SIN3A: variants seen among roughly 807,000 people sequenced by gnomAD.
SIN3A encodes paired amphipathic helix protein Sin3a.
In SIN3A, 14 loss-of-function variants were observed where a neutral mutation model predicts 146.1. That is an observed-to-expected ratio of 0.10 (90% confidence interval 0.06 to 0.15). SIN3A has a LOEUF of 0.15. SIN3A is among the 10% of genes least tolerant of loss of function. The pLI is 1.00. For synonymous variants in SIN3A, 572 were observed against 572.0 expected (o/e 1.00, Z 0.00); for missense variants, 1,028 against 1,576.0 (o/e 0.65, Z 5.89).
At chr15:75,375,929 T>C (rs2072847134) in intron 19 of SIN3A, 57 bp from the exon 20 acceptor site, 1 of 1,553,430 alleles carries the variant, frequency 6.4e-7, no homozygotes, top group South Asian at 1.1e-5. Context: ...TTCCCGTGAC[T>C]TCCCCAAAGT....
At chr15:75,441,276 C>T (rs1438052790) in intron 1 of SIN3A, among the ~76,000 whole-genome samples, 2 of 152,046 alleles carry the variant, frequency 1.3e-5, no homozygotes, top group Admixed American at 6.6e-5. Context: ...TACACTCCAG[C>T]GTGGGCAACA....
At chr15:75,446,612 C>G (rs2074311715) in intron 1 of SIN3A, among the ~76,000 whole-genome samples, 1 of 151,838 alleles carries the variant, frequency 6.6e-6, no homozygotes, top group African/African-American at 2.4e-5. Flanking sequence ...CTGCCTCAGC[C>G]TCTCAAGTAA....
chr15:75,421,840 G>A (rs192956547), intron 3 of SIN3A: 1 of 152,164 alleles, frequency 6.6e-6, no homozygotes. Context: ...GAGATACAAG[G>A]TTAGCTGGGA....
At chr15:75,403,841 C>T (rs1299585909) in intron 9 of SIN3A, among the ~76,000 whole-genome samples, 3 of 152,150 alleles carry the variant, frequency 2.0e-5, no homozygotes, top group African/African-American at 7.2e-5. Flanking sequence ...CCACTGCGTC[C>T]GGCCTGTTGC....
At position 75,451,675 on chromosome 15, in the gene SIN3A, C is replaced by G. The variant is rs2074413921; in HGVS notation, c.-286G>C. On this transcript the variant is annotated 5_prime_UTR_variant, in exon 1 of 21. Coordinates refer to ENST00000394947, the MANE Select transcript of SIN3A (RefSeq NM_001145358.2). Reference sequence around the variant, plus strand: ...ACCGTCTCCGCCGCCTCTACCGCCGCGGCCGCTTCTCTGTTACCCGGGAAA... The same window carrying G: ...ACCGTCTCCGCCGCCTCTACCGCCGGGGCCGCTTCTCTGTTACCCGGGAAA... The G allele has an allele frequency of 1.3e-5, 2 of 152,454 alleles. No homozygotes were observed. Among genetic ancestry groups the G allele is most frequent in the African/African-American group, 2.4e-5 (1 of 41,400 alleles). The allele number at this position is 152,454 out of a possible 1,614,324, so 9.4% of individuals were successfully genotyped here. A position where few individuals can be genotyped will look rare whatever the true frequency, so the allele number is the denominator to read the frequency against.
At chr15:75,442,932 CAAAAAAAA>C (rs34555614) in intron 1 of SIN3A, among the ~76,000 whole-genome samples, 1 of 84,500 alleles carries the variant, frequency 1.2e-5, no homozygotes, top group Non-Finnish European at 2.4e-5. Flanking sequence ...AACTCTGTCT[CAAAAAAAA>C]AAAAAAAAAA....
chr15:75,437,760 C>T (rs2074131708), intron 1 of SIN3A, among the ~76,000 whole-genome samples: 1 of 151,950 alleles, frequency 6.6e-6, no homozygotes. Context: ...GTTTATAGTA[C>T]TATCAGAACT....
chr15:75,409,744 C>A (rs2073594663), intron 8 of SIN3A, 92 bp downstream of exon 8: 39 of 1,368,536 alleles, frequency 2.8e-5, no homozygotes, highest in South Asian at 8.3e-5. Context: ...CAAAAAAAAA[C>A]AACAACAACA....
At chr15:75,441,218 T>C (rs894506050) in intron 1 of SIN3A, among the ~76,000 whole-genome samples, 3 of 151,720 alleles carry the variant, frequency 2.0e-5, no homozygotes, top group African/African-American at 7.3e-5. Context: ...GCTGAGTCAG[T>C]AGAATTGCTT....
chr15:75,395,539 A>G (rs554854845), intron 13 of SIN3A, among the ~76,000 whole-genome samples: 2 of 152,178 alleles, frequency 1.3e-5, no homozygotes, highest in Non-Finnish European at 2.9e-5. Flanking sequence ...AATAAGAATT[A>G]ATTTTTACCA....
intron 8 of SIN3A, among the ~76,000 whole-genome samples, chr15:75,407,611 T>C (rs2073538435): frequency 6.6e-6 from 1 of 151,968 alleles, no homozygotes; most frequent in Admixed American, 6.6e-5. Flanking sequence ...AAGCATAATT[T>C]GCTGGGCATG....
intron 19 of SIN3A, among the ~76,000 whole-genome samples, chr15:75,379,576 A>G (rs2072927551): frequency 6.6e-6 from 1 of 152,250 alleles, no homozygotes; most frequent in African/African-American, 2.4e-5. Flanking sequence ...CCTGACACAG[A>G]GCAACTGCTC....
At chr15:75,419,735 G>C (rs951472616) in intron 3 of SIN3A, 1 of 152,082 alleles carries the variant, frequency 6.6e-6, no homozygotes, top group Admixed American at 6.6e-5. Flanking sequence ...TGAGGCATAA[G>C]AATCACTTGA....
intron 14 of SIN3A, among the ~76,000 whole-genome samples, chr15:75,393,345 G>A (rs2073244359): frequency 6.6e-6 from 1 of 152,192 alleles, no homozygotes; most frequent in Non-Finnish European, 1.5e-5. Context: ...ACACACTGAT[G>A]ACTTACAGGG....
At chr15:75,449,670 A>G (rs902009357) in intron 1 of SIN3A, among the ~76,000 whole-genome samples, 1 of 152,256 alleles carries the variant, frequency 6.6e-6, no homozygotes, top group East Asian at 1.9e-4. Context: ...TGTACTATGT[A>G]GAGTATAAAT....
intron 12 of SIN3A, among the ~76,000 whole-genome samples, chr15:75,398,958 G>A (rs751152250): frequency 9.9e-5 from 15 of 151,156 alleles, no homozygotes; most frequent in Non-Finnish European, 2.1e-4. Context: ...GATAGGTGCA[G>A]CAAACCACCA....
In SIN3A at chr15:75,392,717, A is replaced by G. The variant is rs1244342485; in HGVS notation, c.2376T>C (p.Ala792=). 6.2e-7 allele frequency: 1 copy of G among 1,614,186 alleles called. No individual in the cohort carries two copies. The highest frequency in any genetic ancestry group is 8.5e-7 in the Non-Finnish European group (1 of 1,180,026). Residue 792 remains alanine (A), a synonymous_variant, in exon 15 of 21, where the codon GCT becomes GCC. Coordinates refer to ENST00000394947, the MANE Select transcript of SIN3A (RefSeq NM_001145358.2). ...EDKQILEDAA[A]LIIHHVKRQT... is the part of the protein sequence containing the mutation. ...GCCTCTTCACATGGTGGATAATCAG[A>G]GCAGCAGCATCTTCCAGTATTTGTT...
chr15:75,401,011 C>CCT, intron 10 of SIN3A, 71 bp from the exon 11 acceptor site: 2 of 1,071,606 alleles, frequency 1.9e-6, no homozygotes, highest in Non-Finnish European at 2.8e-6. Context: ...ATGACTACTA[C>CCT]CATCTGGTTT....
chr15:75,403,072 G>A (rs940691426), intron 9 of SIN3A, among the ~76,000 whole-genome samples: 2 of 152,180 alleles, frequency 1.3e-5, no homozygotes, highest in Non-Finnish European at 1.5e-5. Flanking sequence ...ATTGGGAACC[G>A]CTAAAGCTGG....
Sources: allele counts gnomAD v4.1 joint callset (sites outside exome capture counted in the v4.1 genomes callset), GRCh38; gene constraint gnomAD v4.1.1; transcripts MANE v1.5; gene names NCBI Gene and HGNC (gene_info 2026-07-23, HGNC 2026-07-21).